Variants in NCAM2 observed in about 807,000 individuals in gnomAD.
NCAM2 encodes N-CAM-2.
NCAM2 carries 30 observed loss-of-function variants against 98.1 expected under a neutral mutation model. The ratio of observed to expected loss-of-function variants is 0.31; its 90% CI spans 0.23 to 0.41. NCAM2 has a LOEUF of 0.41. Ranked by LOEUF, NCAM2 falls within the 10% of genes least tolerant of loss-of-function variation. The probability of loss-of-function intolerance (pLI) is 1.00; values close to 1 mark genes in which losing one functional copy is unlikely to be tolerated. For missense variants in NCAM2, 867 were observed against 1,005.8 expected (o/e 0.86, Z 1.87); for synonymous variants, 368 against 342.4 (o/e 1.07, Z -0.83).
intron 1 of NCAM2, among the ~76,000 whole-genome samples, chr21:21,112,663 C>T (rs1314168488): frequency 6.6e-6 from 1 of 152,100 alleles, no homozygotes; most frequent in Non-Finnish European, 1.5e-5. Flanking sequence ...GAAGAGAAAA[C>T]TTTTATCGGT....
intron 16 of NCAM2, among the ~76,000 whole-genome samples, chr21:21,532,487 C>T (rs548275019): frequency 1.3e-5 from 2 of 151,978 alleles, no homozygotes; most frequent in South Asian, 4.2e-4. Flanking sequence ...TCTTGAATGT[C>T]CTTTCAGTAA....
At chr21:20,998,655 C>A in intron 1 of NCAM2, 37 bp downstream of exon 1, 1 of 1,592,554 alleles carries the variant, frequency 6.3e-7, no homozygotes, top group Non-Finnish European at 8.6e-7. Flanking sequence ...TACTTTCCCT[C>A]CCCCTTCCAC....
At chr21:21,513,183 T>C (rs547432888) in intron 16 of NCAM2, among the ~76,000 whole-genome samples, 15 of 152,236 alleles carry the variant, frequency 9.9e-5, no homozygotes, top group Non-Finnish European at 1.9e-4. Flanking sequence ...AGGCTGTCCA[T>C]TTTTCCTGGT....
At chr21:21,242,835 T>C (rs2071119303) in intron 1 of NCAM2, among the ~76,000 whole-genome samples, 1 of 152,200 alleles carries the variant, frequency 6.6e-6, no homozygotes, top group South Asian at 2.1e-4. Flanking sequence ...TTGTTATTTG[T>C]TCTTAACATT....
chr21:21,129,299 T>G (rs922676830), intron 1 of NCAM2, among the ~76,000 whole-genome samples: 1 of 152,324 alleles, frequency 6.6e-6, no homozygotes, highest in African/African-American at 2.4e-5. Context: ...GTGTTAGAAC[T>G]TAATGATTTA....
At chr21:21,396,417 C>T (rs1412803848) in intron 9 of NCAM2, among the ~76,000 whole-genome samples, 1 of 152,158 alleles carries the variant, frequency 6.6e-6, no homozygotes, top group African/African-American at 2.4e-5. Context: ...GGGATGTAGA[C>T]TAGTAACACT....
intron 9 of NCAM2, among the ~76,000 whole-genome samples, chr21:21,381,613 A>G (rs2076155436): frequency 6.6e-6 from 1 of 152,298 alleles, no homozygotes; most frequent in African/African-American, 2.4e-5. Context: ...GACACTTTAC[A>G]TAAAATGTGA....
At chr21:21,163,981 G>T (rs189779229) in intron 1 of NCAM2, among the ~76,000 whole-genome samples, 10 of 152,130 alleles carry the variant, frequency 6.6e-5, no homozygotes, top group Non-Finnish European at 1.5e-4. Flanking sequence ...CAATGCAATG[G>T]ATGAGAATTA....
intron 5 of NCAM2, among the ~76,000 whole-genome samples, chr21:21,317,541 T>C (rs1029861546): frequency 1.3e-5 from 2 of 148,798 alleles, no homozygotes; most frequent in Non-Finnish European, 3.0e-5. Context: ...TTCTTAAAAT[T>C]AATTAATTAT....
intron 1 of NCAM2, among the ~76,000 whole-genome samples, chr21:21,215,251 G>A (rs115469729): frequency 0.016 from 2,361 of 152,204 alleles, 63 homozygotes; most frequent in African/African-American, 0.054. Flanking sequence ...TACTGCATCA[G>A]AACCTTTCAG....
chr21:21,481,829 C>T (rs944508879), intron 15 of NCAM2, among the ~76,000 whole-genome samples: 2 of 152,100 alleles, frequency 1.3e-5, no homozygotes, highest in African/African-American at 4.8e-5. Context: ...TTCAGCCAGG[C>T]GCAGTGGCTC....
At chr21:21,487,570 G>A (rs1456068892) in intron 15 of NCAM2, among the ~76,000 whole-genome samples, 1 of 152,028 alleles carries the variant, frequency 6.6e-6, no homozygotes, top group Non-Finnish European at 1.5e-5. Flanking sequence ...TGTTTTGACC[G>A]TATTACCAGT....
chr21:21,042,232 T>A (rs1452267938), intron 1 of NCAM2, among the ~76,000 whole-genome samples: 1 of 152,190 alleles, frequency 6.6e-6, no homozygotes, highest in East Asian at 1.9e-4. Context: ...TTGCCCAAGC[T>A]GGAGTGCAAT....
chr21:21,436,774 T>G (rs1978396986), intron 12 of NCAM2, among the ~76,000 whole-genome samples: 1 of 151,500 alleles, frequency 6.6e-6, no homozygotes, highest in Admixed American at 6.6e-5. Flanking sequence ...TTTTTCTTTT[T>G]TTTTTTTGAG....
chr21:21,441,022 C>T (rs1979180447), intron 12 of NCAM2, among the ~76,000 whole-genome samples: 1 of 152,168 alleles, frequency 6.6e-6, no homozygotes, highest in Non-Finnish European at 1.5e-5. Context: ...CTTCATAACC[C>T]TGTAGTCTTC....
At chr21:21,066,262 G>T (rs1407717785) in intron 1 of NCAM2, among the ~76,000 whole-genome samples, 3 of 152,228 alleles carry the variant, frequency 2.0e-5, no homozygotes, top group Non-Finnish European at 4.4e-5. Context: ...TTTGAATACA[G>T]TTTTTTGTTA....
At chr21:21,403,628 A>G (rs1001731445) in intron 9 of NCAM2, among the ~76,000 whole-genome samples, 1 of 152,188 alleles carries the variant, frequency 6.6e-6, no homozygotes, top group African/African-American at 2.4e-5. Flanking sequence ...TTAGTGTACA[A>G]TCAAATATAT....
At chr21:21,285,503 T>G (rs573389112) in intron 3 of NCAM2, among the ~76,000 whole-genome samples, 1 of 152,092 alleles carries the variant, frequency 6.6e-6, no homozygotes, top group East Asian at 1.9e-4. Flanking sequence ...CAATAGCAAA[T>G]AATTAAATTG....
intron 1 of NCAM2, among the ~76,000 whole-genome samples, chr21:21,157,692 AGCAGCTGCCTATATTT>A (rs975232258): frequency 6.6e-6 from 1 of 152,146 alleles, no homozygotes; most frequent in Non-Finnish European, 1.5e-5. Context: ...ACATGCAAAG[AGCAGCTGCCTATATTT>A]GCAGCTGCAA....
Sources: allele counts gnomAD v4.1 joint callset (sites outside exome capture counted in the v4.1 genomes callset), GRCh38; gene constraint gnomAD v4.1.1; transcripts MANE v1.5; gene names NCBI Gene and HGNC (gene_info 2026-07-23, HGNC 2026-07-21).